NHEJ1: variants seen among roughly 807,000 people sequenced by gnomAD.
NHEJ1 encodes non-homologous end-joining factor 1.
NHEJ1 carries 22 observed loss-of-function variants against 39.4 expected under a neutral mutation model. The observed-to-expected ratio is 0.56, with a 90% CI of 0.40 to 0.80. The LOEUF (loss-of-function observed/expected upper bound fraction) is 0.80. Among genes scored for constraint, NHEJ1 ranks in the 30% least tolerant of loss-of-function variants. NHEJ1 has a pLI of 0.00. For missense variants in NHEJ1, 329 were observed against 357.1 expected, an observed-to-expected ratio of 0.92 and a Z score of 0.63; for synonymous variants, 154 against 135.6, an observed-to-expected ratio of 1.14 and a Z score of -0.94.
chr2:219,078,324 C>A, intron 5 of NHEJ1, 118 bp from the exon 6 acceptor site: 2 of 876,548 alleles, frequency 2.3e-6, no homozygotes, highest in Non-Finnish European at 3.8e-6. Context: ...CAGTTAGATC[C>A]AATAGGGGGC....
chr2:219,101,959 C>T (rs1949265653), intron 5 of NHEJ1, among the ~76,000 whole-genome samples: 1 of 146,008 alleles, frequency 6.8e-6, no homozygotes, highest in African/African-American at 2.5e-5. Context: ...CTCCTGACCT[C>T]GTGATCCGCC....
chr2:219,099,785 T>TGGGAAAAGG (rs1949239752), intron 5 of NHEJ1, among the ~76,000 whole-genome samples: 1 of 149,988 alleles, frequency 6.7e-6, no homozygotes, highest in Admixed American at 6.6e-5. Context: ...ATGGGAAAAG[T>TGGGAAAAGG]CTTTAGGGGA....
At chr2:219,106,785 G>A (rs1392827182) in intron 5 of NHEJ1, among the ~76,000 whole-genome samples, 1 of 152,186 alleles carries the variant, frequency 6.6e-6, no homozygotes, top group Admixed American at 6.5e-5. Flanking sequence ...AAGAGAAGAT[G>A]AGAAAAGAAA....
At chr2:219,129,909 C>A (rs1949561548) in intron 5 of NHEJ1, among the ~76,000 whole-genome samples, 2 of 151,848 alleles carry the variant, frequency 1.3e-5, no homozygotes, top group African/African-American at 4.8e-5. Flanking sequence ...TTTTTACTGC[C>A]GAGGTTTCTC....
intron 5 of NHEJ1, among the ~76,000 whole-genome samples, chr2:219,121,816 T>G (rs72951770): frequency 6.7e-6 from 1 of 150,320 alleles, no homozygotes; most frequent in Non-Finnish European, 1.5e-5. Context: ...ATAGACCCTA[T>G]CTTAAAAAAA....
At chr2:219,110,983 A>C (rs887312587) in intron 5 of NHEJ1, among the ~76,000 whole-genome samples, 3 of 152,182 alleles carry the variant, frequency 2.0e-5, no homozygotes, top group Non-Finnish European at 2.9e-5. Flanking sequence ...TAGCTTGGTG[A>C]AAAGGGACAT....
chr2:219,100,554 C>T (rs996606961), intron 5 of NHEJ1, among the ~76,000 whole-genome samples: 13 of 148,122 alleles, frequency 8.8e-5, no homozygotes, highest in Non-Finnish European at 1.5e-4. Flanking sequence ...GAGGTTGCAG[C>T]GAGCTGAGAT....
At chr2:219,142,388 T>G (rs1949700119) in intron 5 of NHEJ1, among the ~76,000 whole-genome samples, 1 of 152,164 alleles carries the variant, frequency 6.6e-6, no homozygotes, top group Non-Finnish European at 1.5e-5. Flanking sequence ...TTGGGCTGCC[T>G]GCTGTCCCTG....
chr2:219,157,686 TA>T lies in NHEJ1; in HGVS notation c.178-3del. On this transcript the variant is annotated splice_polypyrimidine_tract_variant and splice_region_variant and intron_variant, in intron 2 of 7. Transcript: ENST00000356853. ...AGCAGTGAGCCGCTTGTTCAGCTCC[TA>T]AAGAGAGAGCAGTGGTACAGAGTAA... 2 of 1,611,956 alleles carry T rather than the reference TA, an allele frequency of 1.2e-6. No homozygotes were observed. Among genetic ancestry groups the T allele is most frequent in the Non-Finnish European group, 1.7e-6 (2 of 1,178,816 alleles).
At chr2:219,099,088 G>C (rs1158544910) in intron 5 of NHEJ1, among the ~76,000 whole-genome samples, 1 of 152,158 alleles carries the variant, frequency 6.6e-6, no homozygotes, top group African/African-American at 2.4e-5. Context: ...GGTAGAGGAA[G>C]AAAGCCGGCA....
intron 3 of NHEJ1, among the ~76,000 whole-genome samples, chr2:219,155,320 C>T (rs952454469): frequency 2.6e-5 from 4 of 152,004 alleles, no homozygotes; most frequent in African/African-American, 9.7e-5. Flanking sequence ...ATCCCAACAC[C>T]TTGGGAGGCC....
At chr2:219,096,821 A>G (rs1478376047) in intron 5 of NHEJ1, among the ~76,000 whole-genome samples, 2 of 152,192 alleles carry the variant, frequency 1.3e-5, no homozygotes, top group Non-Finnish European at 2.9e-5. Flanking sequence ...TGAGGTCAGA[A>G]AGATTATAGG....
chr2:219,077,283 G>A lies in NHEJ1; in HGVS notation c.788C>T (p.Ser263Leu), dbSNP rs776236777. ...CTCAGGTGCTGAGAGGGTTGGGGCT[G>A]AGGAGACCAGTTGTTCTGGCTGGTT... Reference protein sequence around the residue: ...CVNQPEQLVSSAPTLSAPEKE... With the variant: ...CVNQPEQLVSLAPTLSAPEKE... Residue 263 changes from serine to leucine, a missense_variant, in exon 7 of 8, where the codon TCA becomes TTA. Physicochemically the swap from Ser to Leu is moderately radical, Grantham distance 145. Coordinates refer to ENST00000356853, the MANE Select transcript of NHEJ1 (RefSeq NM_024782.3). 6.2e-7 allele frequency: 1 copy of A among 1,614,070 alleles called. No homozygotes were observed. Among genetic ancestry groups the A allele is most frequent in the South Asian group, 1.1e-5 (1 of 91,080 alleles).
chr2:219,120,167 G>A (rs896433714), intron 5 of NHEJ1, among the ~76,000 whole-genome samples: 4 of 152,164 alleles, frequency 2.6e-5, no homozygotes, highest in Non-Finnish European at 4.4e-5. Flanking sequence ...CTAATATGTA[G>A]TAAGTTCACT....
chr2:219,134,933 G>A (rs1003001876), intron 5 of NHEJ1, among the ~76,000 whole-genome samples: 2 of 151,478 alleles, frequency 1.3e-5, no homozygotes, highest in African/African-American at 2.4e-5. Context: ...CCAGCTACTC[G>A]GGATGCTGAG....
intron 5 of NHEJ1, among the ~76,000 whole-genome samples, chr2:219,143,480 G>A (rs574611567): frequency 2.0e-5 from 3 of 152,096 alleles, no homozygotes; most frequent in Admixed American, 6.5e-5. Context: ...AACAAAACAG[G>A]GATAATCCTA....
chr2:219,079,775 A>G (rs1949045996), intron 5 of NHEJ1, among the ~76,000 whole-genome samples: 1 of 152,208 alleles, frequency 6.6e-6, no homozygotes, highest in African/African-American at 2.4e-5. Flanking sequence ...ACCGCCTTCA[A>G]AAGAGGGTTC....
At chr2:219,159,542 T>TATATATGCAC (rs1553549806) in intron 1 of NHEJ1, among the ~76,000 whole-genome samples, 7 of 34,312 alleles carry the variant, frequency 2.0e-4, no homozygotes, top group African/African-American at 5.2e-4. Flanking sequence ...TATATGCATA[T>TATATATGCAC]ATATATATGC....
intron 1 of NHEJ1, among the ~76,000 whole-genome samples, chr2:219,160,134 T>C (rs1949916727): frequency 6.6e-6 from 1 of 152,188 alleles, no homozygotes; most frequent in African/African-American, 2.4e-5. Context: ...TTATTTCTCT[T>C]GAGTGGAGGG....
Sources: gnomAD v4.1 joint callset for allele counts (sites outside exome capture counted in the v4.1 genomes callset) on GRCh38, gnomAD v4.1.1 for gene constraint, MANE v1.5 for transcripts, NCBI Gene and HGNC (gene_info 2026-07-23, HGNC 2026-07-21) for gene names.